AGBL1: variants seen among roughly 807,000 people sequenced by gnomAD.
AGBL1 encodes the protein cytosolic carboxypeptidase 4.
AGBL1 carries 130 observed loss-of-function variants against 118.9 expected under a neutral mutation model. That is an observed-to-expected ratio of 1.09 (90% CI 0.95 to 1.26). AGBL1 has a LOEUF of 1.26. AGBL1 is among the 50% of genes most tolerant of loss of function. The probability of loss-of-function intolerance (pLI) is 0.00; values close to 1 mark genes in which losing one functional copy is unlikely to be tolerated. For synonymous variants in AGBL1, 555 were observed against 478.9 expected (o/e 1.16, Z -2.08); for missense variants, 1,584 against 1,298.1 (o/e 1.22, Z -3.38).
At chr15:86,916,308 G>A (rs1037687881), downstream of AGBL1, among the ~76,000 whole-genome samples, 1 of 152,134 alleles carries the variant, frequency 6.6e-6, no homozygotes, top group African/African-American at 2.4e-5. Flanking sequence ...CCAGGTTGCT[G>A]CTACCAGCTC....
At chr15:86,565,853 G>A (rs1018067464) in intron 21 of AGBL1, among the ~76,000 whole-genome samples, 3 of 152,182 alleles carry the variant, frequency 2.0e-5, no homozygotes, top group East Asian at 1.9e-4. Context: ...CCCCAGCCTC[G>A]CTGCTGCCTT....
chr15:86,889,589 C>G (rs2080021045), intron 22 of AGBL1, among the ~76,000 whole-genome samples: 1 of 152,098 alleles, frequency 6.6e-6, no homozygotes, highest in African/African-American at 2.4e-5. Context: ...TTATTCCCCT[C>G]CATGTGTCCA....
rs2081736674 is a variant in AGBL1, at chr15:87,027,129, T to C, written c.3324-1696T>C. 2.0e-5 allele frequency among the ~76,000 whole-genome samples: 3 copies of C among 151,838 alleles called. No homozygotes were observed. In the South Asian group the frequency reaches 6.2e-4, roughly 31 times the overall value. The stretch of plus-strand genomic sequence containing the variant: ...AAACACCACCTGTTCCTCAATAACA[T>C]ATAAAAATGAATAAATACAAAGATA... On this transcript the variant is annotated intron_variant, in intron 24 of 24. Coordinates refer to the AGBL1 transcript ENST00000441037.
chr15:86,553,001 C>A (rs974510466), intron 20 of AGBL1, among the ~76,000 whole-genome samples: 1 of 151,818 alleles, frequency 6.6e-6, no homozygotes, highest in Admixed American at 6.6e-5. Flanking sequence ...ACAGTAAGTA[C>A]CAGAGAGAGT....
intron 3 of AGBL1, among the ~76,000 whole-genome samples, chr15:86,149,033 C>T (rs957776600): frequency 3.3e-5 from 5 of 152,130 alleles, no homozygotes; most frequent in Admixed American, 6.5e-5. Flanking sequence ...AACTATGCTT[C>T]GTAAGCAAAG....
At chr15:86,320,710 GGT>G (rs1164098628) in intron 17 of AGBL1, among the ~76,000 whole-genome samples, 1 of 145,222 alleles carries the variant, frequency 6.9e-6, no homozygotes, top group African/African-American at 2.7e-5. Context: ...ATTTACTGAA[GGT>G]GTGTGTGTGC....
At chr15:86,491,019 A>G (rs1354492268) in intron 18 of AGBL1, among the ~76,000 whole-genome samples, 2 of 152,094 alleles carry the variant, frequency 1.3e-5, no homozygotes, top group Non-Finnish European at 2.9e-5. Flanking sequence ...TTTGTCTAGC[A>G]CTGTGGTTAT....
chr15:86,916,419 G>A (rs1243818753), downstream of AGBL1, among the ~76,000 whole-genome samples: 6 of 152,254 alleles, frequency 3.9e-5, no homozygotes, highest in Middle Eastern at 6.8e-3. Context: ...GACTTTGTGT[G>A]TGTGTGTTTG....
chr15:86,661,812 G>T (rs952918134), intron 21 of AGBL1, among the ~76,000 whole-genome samples: 1 of 152,106 alleles, frequency 6.6e-6, no homozygotes, highest in African/African-American at 2.4e-5. Flanking sequence ...CACTCTCGTC[G>T]CTCTGAGAAT....
intron 17 of AGBL1, among the ~76,000 whole-genome samples, chr15:86,396,070 AT>A (rs948360785): frequency 2.7e-5 from 4 of 150,284 alleles, no homozygotes; most frequent in African/African-American, 7.3e-5. Flanking sequence ...ACAGAATTCC[AT>A]TTTTTTATGG....
chr15:86,952,863 G>A (rs62034301), intron 23 of AGBL1, among the ~76,000 whole-genome samples: 18,988 of 152,118 alleles, frequency 0.12, 1,302 homozygotes, highest in African/African-American at 0.17. Context: ...TGTATATAGT[G>A]AAAGGTAAGG....
At chr15:86,988,822 T>G (rs1006170775) in intron 24 of AGBL1, among the ~76,000 whole-genome samples, 2 of 152,216 alleles carry the variant, frequency 1.3e-5, no homozygotes, top group African/African-American at 4.8e-5. Context: ...TTCCCATGCT[T>G]CTTTTACATG....
intron 22 of AGBL1, among the ~76,000 whole-genome samples, chr15:86,833,526 C>G (rs1456111461): frequency 6.6e-6 from 1 of 152,114 alleles, no homozygotes; most frequent in Non-Finnish European, 1.5e-5. Context: ...TGCCTCCAGT[C>G]ATGATTCTGA....
chr15:86,378,170 G>A (rs1321255908), intron 17 of AGBL1, among the ~76,000 whole-genome samples: 1 of 152,036 alleles, frequency 6.6e-6, no homozygotes, highest in African/African-American at 2.4e-5. Flanking sequence ...GAAAGAGTGG[G>A]GCAAATTTCA....
At chr15:86,587,259 A>G (rs1282769244) in intron 21 of AGBL1, among the ~76,000 whole-genome samples, 1 of 152,158 alleles carries the variant, frequency 6.6e-6, no homozygotes, top group Non-Finnish European at 1.5e-5. Context: ...GAAGTGAGGA[A>G]TCAGGGATTC....
chr15:86,230,497 G>A (rs1453694082), intron 6 of AGBL1, among the ~76,000 whole-genome samples: 3 of 152,218 alleles, frequency 2.0e-5, no homozygotes, highest in Non-Finnish European at 4.4e-5. Flanking sequence ...GAACTTGCAT[G>A]TAAATTCTGT....
At chr15:86,177,251 A>G (rs1345424306) in intron 5 of AGBL1, among the ~76,000 whole-genome samples, 1 of 152,250 alleles carries the variant, frequency 6.6e-6, no homozygotes, top group African/African-American at 2.4e-5. Flanking sequence ...GGAACAAACA[A>G]AAGTCCTAAA....
intron 23 of AGBL1, among the ~76,000 whole-genome samples, chr15:86,939,339 G>A (rs2080716791): frequency 6.6e-6 from 1 of 152,194 alleles, no homozygotes; most frequent in African/African-American, 2.4e-5. Context: ...TTTCTCCTGT[G>A]CTGCATGCTT....
intron 21 of AGBL1, among the ~76,000 whole-genome samples, chr15:86,562,880 A>C (rs4887236): frequency 0.44 from 67,384 of 151,554 alleles, 15,838 homozygotes; most frequent in East Asian, 0.75. Context: ...GGGAGGGTGC[A>C]TGTGTCCAGG....
Sources: allele counts gnomAD v4.1 joint callset (sites outside exome capture counted in the v4.1 genomes callset), GRCh38; gene constraint gnomAD v4.1.1; transcripts MANE v1.5; gene names NCBI Gene and HGNC (gene_info 2026-07-23, HGNC 2026-07-21).